Variants in SRC observed in about 807,000 individuals in gnomAD.
SRC encodes the protein SRC proto-oncogene, non-receptor tyrosine kinase.
SRC carries 13 observed loss-of-function variants against 62.9 expected under a neutral mutation model. The ratio of observed to expected loss-of-function variants is 0.21; its 90% CI spans 0.13 to 0.33. The LOEUF (loss-of-function observed/expected upper bound fraction) is 0.33. Among genes scored for constraint, SRC ranks in the 10% least tolerant of loss-of-function variants. The probability of loss-of-function intolerance (pLI) is 1.00; values close to 1 mark genes in which losing one functional copy is unlikely to be tolerated. For missense variants in SRC, 457 were observed against 737.3 expected, an observed-to-expected ratio of 0.62 and a Z score of 4.40; for synonymous variants, 302 against 317.5, an observed-to-expected ratio of 0.95 and a Z score of 0.52.
In SRC at chr20:37,401,671, C is replaced by T. The variant is rs1249301882; in HGVS notation, c.1109C>T (p.Ala370Val). 1 of 1,609,616 alleles carries T rather than the reference C, an allele frequency of 6.2e-7. No individual in the cohort carries two copies. Among genetic ancestry groups the T allele is most frequent in the Non-Finnish European group, 8.5e-7 (1 of 1,178,092 alleles). The change falls in exon 11 of 14, where the codon GCT becomes GTT. Residue 370 changes from alanine (A) to valine (V), a missense_variant. This residue lies in a region of SRC where 168 missense variants were observed against 357.8 expected (regional missense o/e 0.47). Transcript: ENST00000373578. The stretch of plus-strand genomic sequence containing the variant: ...CGGCTGCCTCAGCTGGTGGACATGG[C>T]TGCTCAGGTGAGTCAGCCCCTCCCG... ...YLRLPQLVDM[A>V]AQIASGMAYV...
rs2070640388 is a variant in SRC, at chr20:37,396,045, G to A, written c.554-117G>A. The A allele has an allele frequency of 1.4e-6, 2 of 1,461,160 alleles. No individual in the cohort carries two copies. The highest frequency in any genetic ancestry group is 1.4e-5 in the African/African-American group (1 of 71,546). The allele number at this position is 1,461,160 out of a possible 1,614,324, so 90.5% of individuals were successfully genotyped here. ...GCTGTTGAGAGACAGGGTGGGCCTG[G>A]GGCCCCGCCTGGGCCTCCCTTCCCT... is the stretch of plus-strand genomic sequence containing the variant. On this transcript the variant is annotated intron_variant, in intron 7 of 13. Coordinates refer to ENST00000373578, the MANE Select transcript of SRC (RefSeq NM_198291.3). The surrounding 1 kb of genome is among the most constrained non-coding windows in gnomAD (Gnocchi z 6.1).
At chr20:37,348,394 C>T (rs6090527) in intron 1 of SRC, among the ~76,000 whole-genome samples, 1 of 152,180 alleles carries the variant, frequency 6.6e-6, no homozygotes, top group African/African-American at 2.4e-5. Flanking sequence ...CTCCGTGGTC[C>T]TCAGCTGACC....
intron 10 of SRC, among the ~76,000 whole-genome samples, chr20:37,400,876 G>T (rs2070726479): frequency 6.6e-6 from 1 of 151,976 alleles, no homozygotes; most frequent in Admixed American, 6.6e-5. Flanking sequence ...GTACCCTCCA[G>T]CCCCAAACCC....
intron 2 of SRC, among the ~76,000 whole-genome samples, chr20:37,374,976 G>T (rs2070254701): frequency 6.6e-6 from 1 of 151,440 alleles, no homozygotes; most frequent in South Asian, 2.1e-4. Flanking sequence ...TGTCACCCAG[G>T]CTGGAGTGTA....
chr20:37,346,048 C>G (rs1273057048), upstream of SRC: 1 of 153,720 alleles, frequency 6.5e-6, no homozygotes, highest in African/African-American at 2.4e-5. Context: ...CTCGCGCGCT[C>G]CCTCCCTCCT....
chr20:37,389,438 G>A (rs1327686860), intron 5 of SRC, among the ~76,000 whole-genome samples: 2 of 152,180 alleles, frequency 1.3e-5, no homozygotes, highest in South Asian at 2.1e-4. Context: ...GAGCCTCGGG[G>A]TCCTGCCTTC....
At chr20:37,377,175 A>G (rs1290059537) in intron 2 of SRC, among the ~76,000 whole-genome samples, 6 of 152,132 alleles carry the variant, frequency 3.9e-5, no homozygotes, top group Non-Finnish European at 1.5e-5. Context: ...GCCTCCTCTT[A>G]TTCCCTGGAA....
At position 37,402,393 on chromosome 20, in the gene SRC, A is replaced by G. The variant is rs1459591584; in HGVS notation, c.1117-42A>G. ...GAGTGCTCTGTGGCCCTGGGAGGGCATGGGTGGCACCTGAGCCAGGCTCCC... is the reference window on the plus strand; with the variant it reads ...GAGTGCTCTGTGGCCCTGGGAGGGCGTGGGTGGCACCTGAGCCAGGCTCCC... On this transcript the variant is annotated intron_variant, in intron 11 of 13. Transcript: ENST00000373578. The surrounding 1 kb of genome is among the most constrained non-coding windows in gnomAD (Gnocchi z 6.2). 6 of 1,598,530 alleles carry G rather than the reference A, an allele frequency of 3.8e-6. No individual in the cohort carries two copies. Among genetic ancestry groups the G allele is most frequent in the East Asian group, 2.2e-5 (1 of 44,608 alleles).
At position 37,384,547 on chromosome 20, in the gene SRC, GGGT is replaced by G. The variant is rs1307988226; in HGVS notation, c.250+147_250+149del. 3.1e-6 allele frequency: 3 copies of G among 958,522 alleles called. No individual in the cohort carries two copies. In the African/African-American group the frequency reaches 5.4e-5, roughly 17 times the overall value. 59.4% of individuals were successfully genotyped at this position (958,522 alleles called of 1,614,324 possible). A position where few individuals can be genotyped will look rare whatever the true frequency, so the allele number is the denominator to read the frequency against. On this transcript the variant is annotated intron_variant, in intron 4 of 13. Coordinates refer to ENST00000373578, the MANE Select transcript of SRC (RefSeq NM_198291.3). The surrounding 1 kb of genome is among the most constrained non-coding windows in gnomAD (Gnocchi z 6.7). ...CCCCTGGGTGACTTGGGTGTCCGGG[GGGT>G]GGGGGGGCGGCCGTACACACTGTGA...
chr20:37,350,135 C>G (rs982755134), intron 1 of SRC, among the ~76,000 whole-genome samples: 4 of 152,196 alleles, frequency 2.6e-5, no homozygotes, highest in African/African-American at 9.7e-5. Flanking sequence ...CAACCCTTTC[C>G]TTCCCCTCCA....
rs1353145669 is a variant in SRC, at chr20:37,401,609, G to A, written c.1047G>A (p.Leu349=). 6.2e-7 allele frequency: 1 copy of A among 1,611,050 alleles called. No homozygotes were observed. Among genetic ancestry groups the A allele is most frequent in the East Asian group, 2.2e-5 (1 of 44,472 alleles). ...IVTEYMSKGS[L]LDFLKGETGK... The stretch of plus-strand genomic sequence containing the variant: ...GGGTCTCTCTCTGCCCAGGGAGTTT[G>A]CTGGACTTTCTCAAGGGGGAGACAG... The change falls in exon 11 of 14, where the codon TTG becomes TTA. Residue 349 remains leucine (L), a synonymous_variant. Coordinates refer to ENST00000373578, the MANE Select transcript of SRC (RefSeq NM_198291.3).
chr20:37,380,492 G>T (rs998677744), intron 2 of SRC, among the ~76,000 whole-genome samples: 5 of 152,226 alleles, frequency 3.3e-5, no homozygotes, highest in Non-Finnish European at 7.3e-5. Context: ...AGTACTTAGA[G>T]CAAGGTCCAA....
chr20:37,373,593 A>G (rs1056713847), intron 2 of SRC, among the ~76,000 whole-genome samples: 9 of 152,222 alleles, frequency 5.9e-5, no homozygotes, highest in African/African-American at 2.2e-4. Context: ...TACAGGCGTA[A>G]GCCACCACGC....
chr20:37,357,036 C>A (rs1298110452), intron 1 of SRC, among the ~76,000 whole-genome samples: 1 of 152,214 alleles, frequency 6.6e-6, no homozygotes, highest in African/African-American at 2.4e-5. Flanking sequence ...GGGTCTGTGT[C>A]TAGAGCTGTT....
Position 37,384,399 on chromosome 20 carries a change from G to T in SRC, c.246G>T (p.Leu82=). 7.1e-7 allele frequency: 1 copy of T among 1,418,160 alleles called. No homozygotes were observed. Among genetic ancestry groups the T allele is most frequent in the Admixed American group, 3.2e-5 (1 of 30,998 alleles). 87.8% of individuals were successfully genotyped at this position (1,418,160 alleles called of 1,614,324 possible). Residue 82 remains leucine (L), a synonymous_variant, in exon 4 of 14, where the codon CTG becomes CTT. Transcript: ENST00000373578. This position sits in a 1 kb window ranked among gnomAD's most constrained non-coding sequence, Gnocchi z 6.7. ...TVTSPQRAGP[L]AGGVTTFVAL... The stretch of plus-strand genomic sequence containing the variant: ...CCTCCCCGCAGAGGGCGGGCCCGCT[G>T]GCCGGTCAGTGCGCGGGCGGCGCGG...
intron 1 of SRC, among the ~76,000 whole-genome samples, chr20:37,353,913 C>A (rs899225167): frequency 2.2e-4 from 33 of 152,218 alleles, no homozygotes; most frequent in Non-Finnish European, 7.3e-5. Flanking sequence ...AGTTTAACCT[C>A]TCTGTGCCTC....
rs1399011517 is a variant in SRC, at chr20:37,405,073, C to T, written c.*1694C>T. On this transcript the variant is annotated 3_prime_UTR_variant, in exon 14 of 14. Coordinates refer to ENST00000373578, the MANE Select transcript of SRC (RefSeq NM_198291.3). ...CAGTGGGGAAGGAGGCCAAGCAGTG[C>T]CTGCCTATGAAATTTCAACTTTTCC... is the stretch of plus-strand genomic sequence containing the variant. The T allele has an allele frequency of 8.6e-6, 2 of 233,360 alleles. No individual in the cohort carries two copies. Among genetic ancestry groups the T allele is most frequent in the African/African-American group, 2.2e-5 (1 of 45,292 alleles). The allele number at this position is 233,360 out of a possible 1,614,324, so 14.5% of individuals were successfully genotyped here.
intron 1 of SRC, among the ~76,000 whole-genome samples, chr20:37,361,137 G>C (rs970410847): frequency 2.0e-5 from 3 of 151,930 alleles, no homozygotes; most frequent in African/African-American, 2.4e-5. Context: ...GTGGAGCTTA[G>C]GGGGGGAAGA....
Position 37,397,971 on chromosome 20 carries a change from G to A in SRC, c.859+117G>A, listed in dbSNP as rs1005929549. The A allele has an allele frequency of 1.4e-5, 19 of 1,321,628 alleles. No homozygotes were observed. The highest frequency in any genetic ancestry group is 1.7e-5 in the Non-Finnish European group (17 of 986,684). 81.9% of individuals were successfully genotyped at this position (1,321,628 alleles called of 1,614,324 possible). Reference sequence around the variant, plus strand: ...CTCTGCTGGATGACGGGGCCCTGTTGTAAATCTGGAGCTCCCCAGCGGTGG... The same window carrying A: ...CTCTGCTGGATGACGGGGCCCTGTTATAAATCTGGAGCTCCCCAGCGGTGG... On this transcript the variant is annotated intron_variant, in intron 9 of 13. Transcript: ENST00000373578. The surrounding 1 kb of genome is among the most constrained non-coding windows in gnomAD (Gnocchi z 4.1).
Sources: allele counts gnomAD v4.1 joint callset (sites outside exome capture counted in the v4.1 genomes callset), GRCh38; gene constraint gnomAD v4.1.1; regional missense constraint gnomAD v4.1.1; non-coding constraint Gnocchi (gnomAD v3.1); transcripts MANE v1.5; gene names NCBI Gene and HGNC (gene_info 2026-07-23, HGNC 2026-07-21).